Variants in CDH18 observed in about 807,000 individuals in gnomAD.
The protein encoded by CDH18 is cadherin 18, also known as cadherin-18.
A neutral mutation model predicts 67.9 loss-of-function variants in CDH18; 31 were observed. The observed-to-expected ratio is 0.46, with a 90% CI of 0.34 to 0.62. CDH18 has a LOEUF of 0.62. Ranked by LOEUF, CDH18 falls within the 20% of genes least tolerant of loss-of-function variation. The pLI, the probability that CDH18 is intolerant of heterozygous loss-of-function variation, is 0.01. For missense variants in CDH18, 890 were observed against 975.5 expected, an observed-to-expected ratio of 0.91 and a Z score of 1.17; for synonymous variants, 362 against 347.2, an observed-to-expected ratio of 1.04 and a Z score of -0.48.
intron 1 of CDH18, among the ~76,000 whole-genome samples, chr5:20,355,396 T>C (rs1040103732): frequency 6.6e-6 from 1 of 152,238 alleles, no homozygotes; most frequent in Admixed American, 6.5e-5. Flanking sequence ...GGAGGTAGCA[T>C]TTCACATATG....
intron 1 of CDH18, among the ~76,000 whole-genome samples, chr5:20,288,848 T>C (rs559368032): frequency 1.3e-5 from 2 of 152,070 alleles, no homozygotes; most frequent in African/African-American, 4.8e-5. Context: ...GTGAAACTTT[T>C]ATATTTTTAA....
intron 1 of CDH18, among the ~76,000 whole-genome samples, chr5:20,347,707 T>G (rs1228767895): frequency 6.6e-6 from 1 of 152,194 alleles, no homozygotes; most frequent in African/African-American, 2.4e-5. Context: ...GCATTGTGTG[T>G]TTAGCCCCTC....
intron 3 of CDH18, among the ~76,000 whole-genome samples, chr5:19,826,990 T>G (rs2149975297): frequency 6.6e-6 from 1 of 152,172 alleles, no homozygotes; most frequent in South Asian, 2.1e-4. Context: ...GTGACCCTTC[T>G]TACATGCAAT....
rs115583976 is a variant in CDH18, at chr5:19,828,344, G to A, written c.228+10415C>T. On this transcript the variant is annotated intron_variant, in intron 3 of 12. Transcript: ENST00000382275. ...ACTATTTCAAAAAATTGAGAAGGATGGACTTCTCCCTAACTCAGTCTACAA... is the reference window on the plus strand; with the variant it reads ...ACTATTTCAAAAAATTGAGAAGGATAGACTTCTCCCTAACTCAGTCTACAA... 3.8e-3 allele frequency among the ~76,000 whole-genome samples: 578 copies of A among 151,508 alleles called. 3 individuals are homozygous for A. The highest frequency in any genetic ancestry group is 0.014 in the African/African-American group (553 of 40,846).
At chr5:19,534,512 A>G (rs1749122647) in intron 9 of CDH18, among the ~76,000 whole-genome samples, 1 of 152,176 alleles carries the variant, frequency 6.6e-6, no homozygotes, top group Non-Finnish European at 1.5e-5. Context: ...AAAATCAGGG[A>G]GAATTGGAGA....
chr5:20,430,426 C>T (rs943992046), intron 1 of CDH18, among the ~76,000 whole-genome samples: 7 of 152,032 alleles, frequency 4.6e-5, no homozygotes, highest in Non-Finnish European at 7.4e-5. Flanking sequence ...GCTTCTATAT[C>T]CCAGATTCTC....
chr5:19,502,553 G>C, intron 11 of CDH18: 1 of 280,220 alleles, frequency 3.6e-6, no homozygotes, highest in Non-Finnish European at 6.6e-6. Flanking sequence ...ATAATAACAA[G>C]AGGAAATATA....
intron 3 of CDH18, among the ~76,000 whole-genome samples, chr5:19,800,180 C>T (rs556870197): frequency 6.6e-6 from 1 of 152,196 alleles, no homozygotes; most frequent in South Asian, 2.1e-4. Flanking sequence ...ACTCTTTGAC[C>T]TGTTTTGCAT....
chr5:20,026,829 C>A (rs1218470654), intron 2 of CDH18, among the ~76,000 whole-genome samples: 1 of 151,910 alleles, frequency 6.6e-6, no homozygotes, highest in Non-Finnish European at 1.5e-5. Flanking sequence ...TGGTGGTGGG[C>A]ACCTGTAGTC....
chr5:20,195,761 A>G (rs1738924403), intron 2 of CDH18, among the ~76,000 whole-genome samples: 1 of 152,128 alleles, frequency 6.6e-6, no homozygotes, highest in Non-Finnish European at 1.5e-5. Context: ...CAAGTTAAAT[A>G]GAATATATTC....
chr5:19,681,635 C>A (rs531243152), intron 5 of CDH18, among the ~76,000 whole-genome samples: 41 of 151,854 alleles, frequency 2.7e-4, no homozygotes, highest in African/African-American at 9.9e-4. Flanking sequence ...ATGTAAGAAC[C>A]AAAATGACCC....
chr5:20,324,928 AAT>A (rs1738412362), intron 1 of CDH18, among the ~76,000 whole-genome samples: 1 of 152,198 alleles, frequency 6.6e-6, no homozygotes, highest in Non-Finnish European at 1.5e-5. Context: ...CTTATTAATG[AAT>A]ATGTTAAAAT....
At chr5:19,822,568 G>A (rs1326106864) in intron 3 of CDH18, among the ~76,000 whole-genome samples, 1 of 152,102 alleles carries the variant, frequency 6.6e-6, no homozygotes, top group Non-Finnish European at 1.5e-5. Context: ...ATGTCAGTAG[G>A]TTCCGTGATG....
At position 19,489,536 on chromosome 5, in the gene CDH18, C is replaced by T. The variant is rs189401317; in HGVS notation, c.1631-5984G>A. On this transcript the variant is annotated intron_variant, in intron 11 of 12. Coordinates refer to ENST00000382275, the MANE Select transcript of CDH18 (RefSeq NM_004934.5). Reference sequence around the variant, plus strand: ...TGCTGGGATTACAGGTGTGAGCCACCGCGCCTGGCCAATATTTGTTCTTTT... The same window carrying T: ...TGCTGGGATTACAGGTGTGAGCCACTGCGCCTGGCCAATATTTGTTCTTTT... 1.9e-3 allele frequency among the ~76,000 whole-genome samples: 294 copies of T among 152,084 alleles called. 2 individuals are homozygous for T. Among genetic ancestry groups the T allele is most frequent in the Middle Eastern group, 0.01 (3 of 294 alleles).
intron 2 of CDH18, among the ~76,000 whole-genome samples, chr5:19,921,588 T>A (rs1792487708): frequency 6.6e-6 from 1 of 150,718 alleles, no homozygotes; most frequent in South Asian, 2.1e-4. Flanking sequence ...GTAATTCGTA[T>A]CAAAGTCAAT....
chr5:19,809,528 T>TA (rs33971166), intron 3 of CDH18, among the ~76,000 whole-genome samples: 4 of 151,444 alleles, frequency 2.6e-5, no homozygotes, highest in East Asian at 1.9e-4. Context: ...TAAAGTATAA[T>TA]AAAAAAAAAT....
intron 2 of CDH18, among the ~76,000 whole-genome samples, chr5:19,950,089 T>C (rs1183068168): frequency 1.3e-5 from 2 of 151,472 alleles, no homozygotes; most frequent in South Asian, 2.1e-4. Flanking sequence ...ATGTGATATA[T>C]ACATATATAT....
At chr5:20,124,806 CAA>C (rs1226760117) in intron 2 of CDH18, among the ~76,000 whole-genome samples, 1 of 152,044 alleles carries the variant, frequency 6.6e-6, no homozygotes, top group Non-Finnish European at 1.5e-5. Context: ...AAGAAGAAAA[CAA>C]AGAGCTGTTC....
chr5:20,242,609 A>ATAT lies in CDH18; in HGVS notation c.-518+12834_-518+12835insATA, dbSNP rs1189797832. On this transcript the variant is annotated intron_variant, in intron 2 of 14. Transcript: ENST00000507958. The stretch of plus-strand genomic sequence containing the variant: ...GTTTCATTGAGGGAAAAAAAAAAAA[A>ATAT]AAATATATATATATATATATATATG... 8.3e-4 allele frequency among the ~76,000 whole-genome samples: 72 copies of ATAT among 87,090 alleles called. 1 individual carries two copies. The highest frequency in any genetic ancestry group is 4.5e-3 in the East Asian group (14 of 3,138). 57.1% of individuals were successfully genotyped at this position (87,090 alleles called of 152,430 possible). A position where few individuals can be genotyped will look rare whatever the true frequency, so the allele number is the denominator to read the frequency against.
Sources: gnomAD v4.1 joint callset for allele counts (sites outside exome capture counted in the v4.1 genomes callset) on GRCh38, gnomAD v4.1.1 for gene constraint, MANE v1.5 for transcripts, NCBI Gene and HGNC (gene_info 2026-07-23, HGNC 2026-07-21) for gene names.